RGMB: variants seen among roughly 807,000 people sequenced by gnomAD.
The protein encoded by RGMB is repulsive guidance molecule BMP co-receptor b, also known as repulsive guidance molecule B.
Under a neutral mutation model 26.9 loss-of-function variants are expected in RGMB, and 16 were observed. That is an observed-to-expected ratio of 0.60 (90% CI 0.40 to 0.90). The LOEUF (loss-of-function observed/expected upper bound fraction) is 0.90. RGMB is among the 40% of genes least tolerant of loss of function. The pLI, the probability that RGMB is intolerant of heterozygous loss-of-function variation, is 0.00. For synonymous variants in RGMB, 225 were observed against 229.3 expected (o/e 0.98, Z 0.17); for missense variants, 512 against 573.3 (o/e 0.89, Z 1.09).
chr5:98,772,064 G>C (rs1017873420), upstream of RGMB, among the ~76,000 whole-genome samples: 1 of 152,182 alleles, frequency 6.6e-6, no homozygotes, highest in Admixed American at 6.5e-5. Context: ...TTGCAAGATA[G>C]TAAATTTTTG....
chr5:98,795,258 T>G lies in RGMB; in HGVS notation c.*1505T>G. On this transcript the variant is annotated 3_prime_UTR_variant, in exon 3 of 3. Transcript: ENST00000513185. Reference sequence around the variant, plus strand: ...AGAAGTGATAGAGTTTCTGCTTTAATAATTTGTTGATAAGTTTACATAAAC... The same window carrying G: ...AGAAGTGATAGAGTTTCTGCTTTAAGAATTTGTTGATAAGTTTACATAAAC... 6.6e-6 allele frequency: 1 copy of G among 152,240 alleles called. No homozygotes were observed. Among genetic ancestry groups the G allele is most frequent in the Non-Finnish European group, 1.5e-5 (1 of 68,044 alleles). The allele number at this position is 152,240 out of a possible 1,614,324, so 9.4% of individuals were successfully genotyped here.
chr5:98,779,901 G>T lies in RGMB; in HGVS notation c.458G>T (p.Gly153Val), dbSNP rs1334165793. The T allele has an allele frequency of 1.2e-6, 2 of 1,613,858 alleles. No individual in the cohort carries two copies. The highest frequency in any genetic ancestry group is 1.7e-6 in the Non-Finnish European group (2 of 1,179,890). The stretch of plus-strand genomic sequence containing the variant: ...GCTGGAGCCAGGGAACACAGGAGAG[G>T]GGACCAGAACCCTCCCAGTTACCTT... ...SHAGAREHRR[G>V]DQNPPSYLFC... Residue 153 changes from glycine to valine, a missense_variant, in exon 2 of 3, where the codon GGG (glycine) becomes GTG (valine). Transcript: ENST00000513185.
intron 2 of RGMB, among the ~76,000 whole-genome samples, chr5:98,790,601 G>A (rs1746898322): frequency 6.6e-6 from 1 of 152,198 alleles, no homozygotes; most frequent in Non-Finnish European, 1.5e-5. Context: ...AACAGCCGTG[G>A]TGAGACATAT....
At chr5:98,787,389 C>T (rs1746795945) in intron 2 of RGMB, among the ~76,000 whole-genome samples, 1 of 152,218 alleles carries the variant, frequency 6.6e-6, no homozygotes, top group African/African-American at 2.4e-5. Flanking sequence ...GGCCTCGGGT[C>T]TGTAGTCCTG....
At chr5:98,773,150 C>CT (rs750472490), upstream of RGMB, 1 of 152,176 alleles carries the variant, frequency 6.6e-6, no homozygotes. Context: ...GAAAGGGGAC[C>CT]TGCCGCGCGG....
In RGMB at chr5:98,774,053, A is replaced by G; in HGVS notation, c.-18A>G. 1 of 856,950 alleles carries G rather than the reference A, an allele frequency of 1.2e-6. No individual in the cohort carries two copies. The highest frequency in any genetic ancestry group is 1.8e-6 in the Non-Finnish European group (1 of 550,806). The allele number at this position is 856,950 out of a possible 1,614,324, so 53.1% of individuals were successfully genotyped here. A position where few individuals can be genotyped will look rare whatever the true frequency, so the allele number is the denominator to read the frequency against. On this transcript the variant is annotated 5_prime_UTR_variant, in exon 1 of 3. Coordinates refer to ENST00000513185, the MANE Select transcript of RGMB (RefSeq NM_001366508.1). ...GCCGCCGCCCTCGCCGGAGCCCACG[A>G]GACCTGCATGGACGGGCATGGGCTT... is the stretch of plus-strand genomic sequence containing the variant.
chr5:98,790,342 T>A (rs1462497571), intron 2 of RGMB, among the ~76,000 whole-genome samples: 5 of 152,182 alleles, frequency 3.3e-5, no homozygotes, highest in African/African-American at 1.2e-4. Flanking sequence ...CCTTGCTTGG[T>A]TGGGAAACAA....
At chr5:98,777,293 T>C (rs1746446724) in intron 1 of RGMB, among the ~76,000 whole-genome samples, 1 of 152,124 alleles carries the variant, frequency 6.6e-6, no homozygotes, top group South Asian at 2.1e-4. Flanking sequence ...AAAGAACAAA[T>C]AGGCACTGCA....
chr5:98,773,487 G>A (rs1580265702), upstream of RGMB: 1 of 160,098 alleles, frequency 6.2e-6, no homozygotes, highest in South Asian at 2.0e-4. Context: ...GCGGGCGGGG[G>A]AGAGGGCCCT....
At chr5:98,776,484 G>A (rs936891231) in intron 1 of RGMB, among the ~76,000 whole-genome samples, 1 of 152,052 alleles carries the variant, frequency 6.6e-6, no homozygotes, top group African/African-American at 2.4e-5. Flanking sequence ...GATTGTTTCT[G>A]CTCCGCATTG....
rs1456508267 is a variant in RGMB, at chr5:98,793,474, C to T, written c.1035C>T (p.Ala345=). 6.2e-7 allele frequency: 1 copy of T among 1,613,192 alleles called. No homozygotes were observed. The highest frequency in any genetic ancestry group is 8.5e-7 in the Non-Finnish European group (1 of 1,179,644). The change falls in exon 3 of 3, where the codon GCC becomes GCT. Residue 345 remains alanine (A), a synonymous_variant. Transcript: ENST00000513185. ...TGCCTCGCACCTCCTTGGTGCAGGC[C>T]TGGCCTGGCTACACACTGGAGACTG... The part of the protein sequence containing the change: ...HSLPRTSLVQ[A]WPGYTLETAN...
At chr5:98,778,057 T>C (rs1746471519) in intron 1 of RGMB, among the ~76,000 whole-genome samples, 1 of 152,116 alleles carries the variant, frequency 6.6e-6, no homozygotes, top group Non-Finnish European at 1.5e-5. Context: ...AGATTTGAAA[T>C]TTAAAATTTA....
intron 2 of RGMB, among the ~76,000 whole-genome samples, chr5:98,784,018 G>T (rs1467264363): frequency 1.3e-5 from 2 of 149,888 alleles, no homozygotes; most frequent in Non-Finnish European, 3.0e-5. Context: ...ATGACAACAG[G>T]TCCTACTGCA....
intron 2 of RGMB, among the ~76,000 whole-genome samples, chr5:98,781,632 A>G (rs972446054): frequency 3.9e-5 from 6 of 152,218 alleles, no homozygotes; most frequent in Non-Finnish European, 7.3e-5. Context: ...AATTGTGCAA[A>G]TAATTGAGGA....
intron 1 of RGMB, among the ~76,000 whole-genome samples, chr5:98,776,509 C>T (rs1375834751): frequency 6.6e-6 from 1 of 152,154 alleles, no homozygotes; most frequent in Non-Finnish European, 1.5e-5. Context: ...GGCATTTTGA[C>T]AGGAGGCTTA....
In RGMB at chr5:98,793,017, C is replaced by A. The variant is rs1746980851; in HGVS notation, c.646-68C>A. On this transcript the variant is annotated intron_variant, in intron 2 of 2. Transcript: ENST00000513185. ...GCTTCAAAATGGCGGGGAGCTCTTG[C>A]TACAGAGGGTTACCCCGTTCTGCTT... 4 of 1,314,078 alleles carry A rather than the reference C, an allele frequency of 3.0e-6. No homozygotes were observed. In the Admixed American group the frequency reaches 7.7e-5, roughly 25 times the overall value. The allele number at this position is 1,314,078 out of a possible 1,614,324, so 81.4% of individuals were successfully genotyped here. A position where few individuals can be genotyped will look rare whatever the true frequency, so the allele number is the denominator to read the frequency against.
At position 98,774,124 on chromosome 5, in the gene RGMB, G is replaced by C; in HGVS notation, c.54G>C (p.Glu18Asp). ...SSAAAAAAEVEQRRSPGLCPP... is the reference protein window; with the variant it reads ...SSAAAAAAEVDQRRSPGLCPP... ...CCGCCGCTGCCGCCGCCGAGGTTGA[G>C]CAGCGCCGCAGCCCCGGGCTCTGCC... Residue 18 changes from glutamate (E) to aspartate (D), a missense_variant, in exon 1 of 3, where the codon GAG becomes GAC. Glu to Asp is a conservative substitution (Grantham distance 45). Transcript: ENST00000513185. The C allele has an allele frequency of 7.0e-7, 1 of 1,436,652 alleles. No individual in the cohort carries two copies. The highest frequency in any genetic ancestry group is 9.3e-7 in the Non-Finnish European group (1 of 1,071,790). 89.0% of individuals were successfully genotyped at this position (1,436,652 alleles called of 1,614,324 possible).
intron 1 of RGMB, 96 bp downstream of exon 1, chr5:98,774,302 G>T (rs1423740586): frequency 8.1e-7 from 1 of 1,233,890 alleles, no homozygotes; most frequent in African/African-American, 1.6e-5. Flanking sequence ...GGGCGGAAGG[G>T]CGGCGTGGCG....
chr5:98,781,194 G>A (rs1411552902), intron 2 of RGMB: 7 of 152,148 alleles, frequency 4.6e-5, no homozygotes, highest in South Asian at 2.1e-4. Flanking sequence ...GCATTTTGTG[G>A]AGGGAATTTT....
Sources: allele counts gnomAD v4.1 joint callset (sites outside exome capture counted in the v4.1 genomes callset), GRCh38; gene constraint gnomAD v4.1.1; transcripts MANE v1.5; gene names NCBI Gene and HGNC (gene_info 2026-07-23, HGNC 2026-07-21).